CLECL1: variants seen among roughly 807,000 people sequenced by gnomAD.
CLECL1 encodes C-type lectin-like domain family 1.
At chr12:9,722,683 G>A in exon 4 of CLECL1, 1 of 1,613,842 alleles carries the variant, frequency 6.2e-7, no homozygotes, top group Non-Finnish European at 8.5e-7. Context: ...GATATGAATT[G>A]TTTATGGCAC....
At chr12:9,720,561 C>T (rs746431718), downstream of CLECL1, among the ~76,000 whole-genome samples, 32 of 152,174 alleles carry the variant, frequency 2.1e-4, no homozygotes, top group African/African-American at 7.7e-4. Flanking sequence ...AGGCTGGTCT[C>T]GAACTCCCGA....
chr12:9,707,018 T>A, the CLECL1 span, among the ~76,000 whole-genome samples: 11 of 152,346 alleles, frequency 7.2e-5, no homozygotes, highest in African/African-American at 2.6e-4. Context: ...TATTTATTAC[T>A]GGCTCAATTT....
chr12:9,724,760 G>C (rs7306557), intron 3 of CLECL1, among the ~76,000 whole-genome samples: 1 of 151,698 alleles, frequency 6.6e-6, no homozygotes, highest in Admixed American at 6.6e-5. Flanking sequence ...AGAAAGATTA[G>C]GGCAAAACAA....
chr12:9,712,871 C>G (rs1172789975), downstream of CLECL1, among the ~76,000 whole-genome samples: 1 of 151,892 alleles, frequency 6.6e-6, no homozygotes, highest in East Asian at 1.9e-4. Flanking sequence ...TAAAAAGGAC[C>G]CTGCCATCTA....
the CLECL1 span, among the ~76,000 whole-genome samples, chr12:9,705,821 T>C: frequency 6.6e-6 from 1 of 152,220 alleles, no homozygotes; most frequent in Non-Finnish European, 1.5e-5. Flanking sequence ...TAGTTTGAAA[T>C]TGGGTAGTGT....
intron 3 of CLECL1, among the ~76,000 whole-genome samples, chr12:9,724,947 T>C (rs1033544362): frequency 6.6e-6 from 1 of 152,172 alleles, no homozygotes; most frequent in Non-Finnish European, 1.5e-5. Context: ...GTGCATTACC[T>C]GCAAGAAAAC....
chr12:9,722,198 G>A (rs770688998), downstream of CLECL1, among the ~76,000 whole-genome samples: 5 of 152,102 alleles, frequency 3.3e-5, no homozygotes, highest in African/African-American at 4.8e-5. Context: ...TTAAATTAAG[G>A]CAGAGTTAGC....
chr12:9,728,569 T>G (rs988410891), intron 2 of CLECL1, among the ~76,000 whole-genome samples: 1 of 151,830 alleles, frequency 6.6e-6, no homozygotes, highest in African/African-American at 2.4e-5. Context: ...ACATTTTATC[T>G]TTGAAATCTA....
chr12:9,721,729 C>T (rs961411100), downstream of CLECL1, among the ~76,000 whole-genome samples: 1 of 152,234 alleles, frequency 6.6e-6, no homozygotes, highest in East Asian at 1.9e-4. Flanking sequence ...CCTGCTTCCT[C>T]TTTCTTGTTC....
At chr12:9,722,538 ACACATGAAGTTGAAAC>A, downstream of CLECL1, 1 of 1,494,212 alleles carries the variant, frequency 6.7e-7, no homozygotes, top group Non-Finnish European at 8.9e-7. Flanking sequence ...ATAGTTAATA[ACACATGAAGTTGAAAC>A]TTCTTTTCAC....
intron 3 of CLECL1, among the ~76,000 whole-genome samples, chr12:9,726,512 C>T (rs1324608585): frequency 1.3e-5 from 2 of 151,922 alleles, no homozygotes; most frequent in African/African-American, 2.4e-5. Flanking sequence ...AGGCCCACTG[C>T]ACATCTAATT....
downstream of CLECL1, among the ~76,000 whole-genome samples, chr12:9,715,350 T>C (rs1866226700): frequency 1.3e-5 from 2 of 152,222 alleles, no homozygotes; most frequent in South Asian, 4.1e-4. Context: ...GCTATTACTT[T>C]ACTTGCGTCA....
chr12:9,713,272 T>A (rs1866212226), downstream of CLECL1, among the ~76,000 whole-genome samples: 1 of 152,258 alleles, frequency 6.6e-6, no homozygotes, highest in South Asian at 2.1e-4. Context: ...AATTTTCAAC[T>A]ACCTATCTCA....
At chr12:9,718,706 C>T (rs749898592), downstream of CLECL1, 1 of 700,068 alleles carries the variant, frequency 1.4e-6, no homozygotes, top group Non-Finnish European at 2.6e-6. Flanking sequence ...AATTTGGATA[C>T]ACAGAGACAT....
At chr12:9,733,602 T>G (rs990173567), upstream of CLECL1, among the ~76,000 whole-genome samples, 1 of 152,120 alleles carries the variant, frequency 6.6e-6, no homozygotes, top group African/African-American at 2.4e-5. Context: ...CTTTATAATA[T>G]TAACATTAAA....
intron 2 of CLECL1, among the ~76,000 whole-genome samples, chr12:9,717,120 G>A (rs1395638007): frequency 6.6e-6 from 1 of 152,196 alleles, no homozygotes; most frequent in Non-Finnish European, 1.5e-5. Context: ...TTGAAAATTA[G>A]TTCAACAAGA....
chr12:9,721,708 TTTAG>T (rs1216719495), downstream of CLECL1, among the ~76,000 whole-genome samples: 3 of 152,208 alleles, frequency 2.0e-5, no homozygotes, highest in Non-Finnish European at 4.4e-5. Context: ...TTAGATGCTT[TTTAG>T]TTACTCCCTG....
At chr12:9,702,804 A>G in the CLECL1 span, among the ~76,000 whole-genome samples, 3,403 of 152,312 alleles carry the variant, frequency 0.022, 137 homozygotes, top group African/African-American at 0.078. Flanking sequence ...CTACTCCTCT[A>G]GTAACTCTGA....
rs79836275 is a variant in CLECL1, at chr12:9,725,743, C to A, written n.262+1822G>T. ...GTTTTCACTACAAGACCATTATAAC[C>A]TGAGATAATTAGGTTAAACATATTG... On this transcript the variant is annotated intron_variant and non_coding_transcript_variant, in intron 3 of 3. Transcript: ENST00000621400. Among the ~76,000 whole-genome samples, 1,353 of 152,076 alleles carry A rather than the reference C, an allele frequency of 8.9e-3. 11 individuals carry two copies. The highest frequency in any genetic ancestry group is 0.03 in the African/African-American group (1,257 of 41,514).
Sources: gnomAD v4.1 joint callset for allele counts (sites outside exome capture counted in the v4.1 genomes callset) on GRCh38, gnomAD v4.1.1 for gene constraint, MANE v1.5 for transcripts, NCBI Gene and HGNC (gene_info 2026-07-23, HGNC 2026-07-21) for gene names.